Variants in NF1 observed in about 807,000 individuals in gnomAD.
The protein encoded by NF1 is neurofibromin 1.
In NF1, 122 loss-of-function variants were observed where a neutral mutation model predicts 325.7. The observed-to-expected ratio is 0.37, with a 90% CI of 0.32 to 0.44. The LOEUF is 0.44. Among genes scored for constraint, NF1 ranks in the 20% least tolerant of loss-of-function variants. The pLI is 1.00. For synonymous variants in NF1, 1,091 were observed against 1,186.0 expected (o/e 0.92, Z 1.65); for missense variants, 2,140 against 3,415.4 (o/e 0.63, Z 9.31).
chr17:31,207,635 T>C (rs1597690571), intron 12 of NF1, among the ~76,000 whole-genome samples: 1 of 152,204 alleles, frequency 6.6e-6, no homozygotes, highest in Non-Finnish European at 1.5e-5. Context: ...CTTTTTGTAA[T>C]GCCAAGTACT....
In NF1 at chr17:31,192,752, G is replaced by A. The variant is rs189507760; in HGVS notation, c.889-7670G>A. Among the ~76,000 whole-genome samples the A allele has an allele frequency of 3.5e-3, 533 of 152,144 alleles. 1 individual carries two copies. The highest frequency in any genetic ancestry group is 5.2e-3 in the Non-Finnish European group (352 of 68,004). ...GGTATGGCAAGGAAATATATTTTGG[G>A]GCTAAATATTTTTTCCTTGTCTCAT... On this transcript the variant is annotated intron_variant, in intron 8 of 57. Coordinates refer to ENST00000358273, the MANE Select transcript of NF1 (RefSeq NM_001042492.3).
chr17:31,274,455 G>T (rs1049577315), intron 36 of NF1, among the ~76,000 whole-genome samples: 1 of 152,122 alleles, frequency 6.6e-6, no homozygotes, highest in Non-Finnish European at 1.5e-5. Flanking sequence ...TTCCTCACTT[G>T]TTTTACTGTG....
chr17:31,319,766 A>C (rs1333860254), intron 36 of NF1, among the ~76,000 whole-genome samples: 3 of 152,006 alleles, frequency 2.0e-5, no homozygotes, highest in African/African-American at 7.2e-5. Flanking sequence ...AAAAAAAAAA[A>C]AAAACAGCAA....
At chr17:31,202,878 A>C (rs1256848935) in intron 11 of NF1, among the ~76,000 whole-genome samples, 1 of 152,240 alleles carries the variant, frequency 6.6e-6, no homozygotes, top group African/African-American at 2.4e-5. Flanking sequence ...AAGGCCATTA[A>C]AACAAAAAGA....
In NF1 at chr17:31,349,243, A is replaced by T. The variant is rs876660597; in HGVS notation, c.7313A>T (p.Tyr2438Phe). 6.2e-7 allele frequency: 1 copy of T among 1,612,936 alleles called. No homozygotes were observed. The highest frequency in any genetic ancestry group is 8.5e-7 in the Non-Finnish European group (1 of 1,179,704). Residue 2438 changes from tyrosine to phenylalanine, a missense_variant, in exon 49 of 58, where the codon TAC becomes TTC. Physicochemically the swap from Tyr to Phe is conservative, Grantham distance 22. This residue lies in a region of NF1 where 522 missense variants were observed against 749.0 expected (regional missense o/e 0.70). Transcript: ENST00000358273. Reference protein sequence around the residue: ...KFEVNTQSVAYLAALLTVSEE... With the variant: ...KFEVNTQSVAFLAALLTVSEE... Reference sequence around the variant, plus strand: ...GAAGTGAATACACAGAGCGTGGCCTACTTAGCAGGTAAAAACACAAAATAA... The same window carrying T: ...GAAGTGAATACACAGAGCGTGGCCTTCTTAGCAGGTAAAAACACAAAATAA...
intron 5 of NF1, among the ~76,000 whole-genome samples, chr17:31,176,075 C>G (rs939702699): frequency 4.6e-5 from 7 of 152,178 alleles, no homozygotes; most frequent in Non-Finnish European, 7.3e-5. Flanking sequence ...ATTTCTAGTT[C>G]TAGATCCTTG....
In NF1 at chr17:31,376,368, G is replaced by A. The variant is rs986925218; in HGVS notation, c.*2213G>A. 3.5e-5 allele frequency: 8 copies of A among 226,326 alleles called. No homozygotes were observed. Among genetic ancestry groups the A allele is most frequent in the Non-Finnish European group, 7.1e-5 (8 of 113,226 alleles). The allele number at this position is 226,326 out of a possible 1,614,324, so 14.0% of individuals were successfully genotyped here. On this transcript the variant is annotated 3_prime_UTR_variant, in exon 58 of 58. Transcript: ENST00000358273. ...ATTTCCATAAACGGGTTTACCAAGG[G>A]TGTAGTATTTCATACCGCCTGAAAT...
At chr17:31,293,178 C>A (rs1262318919) in intron 36 of NF1, among the ~76,000 whole-genome samples, 4 of 64,884 alleles carry the variant, frequency 6.2e-5, no homozygotes, top group Non-Finnish European at 6.1e-5. Context: ...GACTTCGTCT[C>A]AAAAAAAAAA....
At position 31,227,502 on chromosome 17, in the gene NF1, TGATAATTGCC is replaced by T; in HGVS notation, c.2326-20_2326-11del. 1 of 1,613,096 alleles carries T rather than the reference TGATAATTGCC, an allele frequency of 6.2e-7. No individual in the cohort carries two copies. Among genetic ancestry groups the T allele is most frequent in the Non-Finnish European group, 8.5e-7 (1 of 1,179,242 alleles). On this transcript the variant is annotated splice_polypyrimidine_tract_variant and intron_variant, in intron 19 of 57. Coordinates refer to ENST00000358273, the MANE Select transcript of NF1 (RefSeq NM_001042492.3). The stretch of plus-strand genomic sequence containing the variant: ...AGCTCTAGACTAAGTTGCTTTCAAG[TGATAATTGCC>T]TTCATTTTAGGCTTGGGAAGATACA...
intron 36 of NF1, among the ~76,000 whole-genome samples, chr17:31,267,682 T>C (rs1354092975): frequency 2.6e-5 from 4 of 152,224 alleles, no homozygotes; most frequent in Non-Finnish European, 5.9e-5. Flanking sequence ...GTAATGCTTT[T>C]TGAATTGTGG....
intron 1 of NF1, among the ~76,000 whole-genome samples, chr17:31,111,962 C>T (rs1477394621): frequency 6.6e-6 from 1 of 152,086 alleles, no homozygotes; most frequent in Non-Finnish European, 1.5e-5. Context: ...AATTGCCATC[C>T]AATCAATAAA....
intron 29 of NF1, 92 bp from the exon 30 acceptor site, chr17:31,248,892 C>A: frequency 7.8e-7 from 1 of 1,279,236 alleles, no homozygotes. Flanking sequence ...TTGCACTTGG[C>A]TTAATGTCTG....
At chr17:31,369,078 C>T (rs567760673) in intron 57 of NF1, among the ~76,000 whole-genome samples, 7 of 152,116 alleles carry the variant, frequency 4.6e-5, no homozygotes, top group Admixed American at 2.0e-4. Flanking sequence ...GAGTTAAAAG[C>T]GATTCTGTTG....
chr17:31,301,172 A>G (rs987825869), intron 36 of NF1, among the ~76,000 whole-genome samples: 1 of 151,970 alleles, frequency 6.6e-6, no homozygotes, highest in Non-Finnish European at 1.5e-5. Context: ...TAAAAGTTTC[A>G]TATAATTTGA....
intron 4 of NF1, among the ~76,000 whole-genome samples, chr17:31,165,857 T>G (rs1419998730): frequency 1.3e-5 from 2 of 151,862 alleles, no homozygotes; most frequent in Non-Finnish European, 2.9e-5. Flanking sequence ...GCCCGGCTAG[T>G]TTCTTTAATT....
In NF1 at chr17:31,111,063, C is replaced by A. The variant is rs372843197; in HGVS notation, c.60+15694C>A. 4.6e-5 allele frequency among the ~76,000 whole-genome samples: 7 copies of A among 152,028 alleles called. No homozygotes were observed. The South Asian group carries it at 1.5e-3, about 32-fold the overall frequency. On this transcript the variant is annotated intron_variant, in intron 1 of 57. Coordinates refer to ENST00000358273, the MANE Select transcript of NF1 (RefSeq NM_001042492.3). ...AGACAGAACAAAATCTTCCTTAACA[C>A]CACCATCACAAACCCCCCCATTAAT...
chr17:31,282,764 T>G (rs1210504882), intron 36 of NF1, among the ~76,000 whole-genome samples: 2 of 152,204 alleles, frequency 1.3e-5, no homozygotes, highest in Non-Finnish European at 2.9e-5. Flanking sequence ...ATGCATTCAG[T>G]TTTTTTAGAT....
chr17:31,360,781 T>C (rs987682165), intron 57 of NF1, 78 bp downstream of exon 57: 12 of 1,339,462 alleles, frequency 9.0e-6, no homozygotes, highest in Non-Finnish European at 1.3e-5. Flanking sequence ...GTGATCAGTT[T>C]ATAGCAAATT....
In NF1 at chr17:31,304,595, G is replaced by A. The variant is rs1046208078; in HGVS notation, c.4836-21225G>A. 4 of 1,614,086 alleles carry A rather than the reference G, an allele frequency of 2.5e-6. No homozygotes were observed. In the South Asian group the frequency reaches 4.4e-5, roughly 18 times the overall value. ...AAATCCAGAAGGGGAGGTGGTGGAG[G>A]CAGATCTGCATCATCTGAAGAAGAA... On this transcript the variant is annotated intron_variant, in intron 36 of 57. Coordinates refer to ENST00000358273, the MANE Select transcript of NF1 (RefSeq NM_001042492.3).
Sources: gnomAD v4.1 joint callset for allele counts (sites outside exome capture counted in the v4.1 genomes callset) on GRCh38, gnomAD v4.1.1 for gene constraint, gnomAD v4.1.1 regional missense constraint, MANE v1.5 for transcripts, NCBI Gene and HGNC (gene_info 2026-07-23, HGNC 2026-07-21) for gene names.